Variants in MGMT observed in about 807,000 individuals in gnomAD.
MGMT encodes O-6-methylguanine-DNA methyltransferase, also known as methylated-DNA--protein-cysteine methyltransferase.
Under a neutral mutation model 15.9 loss-of-function variants are expected in MGMT, and 14 were observed. The ratio of observed to expected loss-of-function variants is 0.88; its 90% CI spans 0.58 to 1.37. MGMT has a LOEUF of 1.37. Ranked by LOEUF, MGMT falls within the 40% of genes most tolerant of loss-of-function variation. The pLI is 0.00. For missense variants in MGMT, 282 were observed against 268.1 expected (o/e 1.05, Z -0.36); for synonymous variants, 130 against 118.2 (o/e 1.10, Z -0.65).
At chr10:129,706,851 C>G (rs1471931277) in intron 2 of MGMT, among the ~76,000 whole-genome samples, 1 of 152,112 alleles carries the variant, frequency 6.6e-6, no homozygotes, top group Non-Finnish European at 1.5e-5. Context: ...GAGGGCCCAC[C>G]AGGTCGAAGC....
At chr10:129,617,085 T>C (rs1847036331) in intron 2 of MGMT, among the ~76,000 whole-genome samples, 1 of 151,382 alleles carries the variant, frequency 6.6e-6, no homozygotes, top group Non-Finnish European at 1.5e-5. Flanking sequence ...AAGCACATGA[T>C]AAGCATAGTA....
At chr10:129,734,494 T>C (rs1227115005) in intron 3 of MGMT, among the ~76,000 whole-genome samples, 2 of 151,808 alleles carry the variant, frequency 1.3e-5, no homozygotes, top group African/African-American at 4.8e-5. Flanking sequence ...TATACAATCA[T>C]GTCATCTGCA....
At chr10:129,481,316 C>T (rs947459487) in intron 1 of MGMT, among the ~76,000 whole-genome samples, 1 of 152,170 alleles carries the variant, frequency 6.6e-6, no homozygotes, top group African/African-American at 2.4e-5. Context: ...AAATGCCCAC[C>T]TGGACTTGGT....
At chr10:129,718,349 C>G (rs746201103) in intron 3 of MGMT, among the ~76,000 whole-genome samples, 2 of 152,126 alleles carry the variant, frequency 1.3e-5, no homozygotes, top group African/African-American at 2.4e-5. Context: ...TCCGTCTGAT[C>G]GTATAGTTAG....
chr10:129,738,644 A>G (rs920394233), intron 3 of MGMT, among the ~76,000 whole-genome samples: 1 of 152,212 alleles, frequency 6.6e-6, no homozygotes, highest in Non-Finnish European at 1.5e-5. Flanking sequence ...AGTCTTTGCT[A>G]TTGTGAATAG....
Position 129,767,111 on chromosome 10 carries a change from T to A in MGMT, c.*114T>A. The A allele has an allele frequency of 3.4e-6, 3 of 887,816 alleles. No homozygotes were observed. Among genetic ancestry groups the A allele is most frequent in the Non-Finnish European group, 5.0e-6 (3 of 602,832 alleles). The allele number at this position is 887,816 out of a possible 1,614,324, so 55.0% of individuals were successfully genotyped here. On this transcript the variant is annotated 3_prime_UTR_variant, in exon 5 of 5. Coordinates refer to ENST00000651593, the MANE Select transcript of MGMT (RefSeq NM_002412.5). Reference sequence around the variant, plus strand: ...AGTGGCAGTGTCCTGGGAACAAGCGTGTCTGCCCTTTCTGTTTCCATATTT... The same window carrying A: ...AGTGGCAGTGTCCTGGGAACAAGCGAGTCTGCCCTTTCTGTTTCCATATTT...
At chr10:129,676,173 C>T (rs531357736) in intron 2 of MGMT, among the ~76,000 whole-genome samples, 2 of 152,320 alleles carry the variant, frequency 1.3e-5, no homozygotes, top group Admixed American at 1.3e-4. Flanking sequence ...GAAGGCAAGG[C>T]TGGACTCACC....
At chr10:129,529,397 A>G (rs1845905847) in intron 1 of MGMT, among the ~76,000 whole-genome samples, 1 of 152,092 alleles carries the variant, frequency 6.6e-6, no homozygotes, top group Non-Finnish European at 1.5e-5. Flanking sequence ...GATTCTCATA[A>G]GAAGCGTCCA....
At chr10:129,582,398 C>T (rs1409091790) in intron 2 of MGMT, among the ~76,000 whole-genome samples, 4 of 152,182 alleles carry the variant, frequency 2.6e-5, no homozygotes, top group African/African-American at 7.2e-5. Context: ...CTGCCTCTGA[C>T]GGGTGGCTGC....
At chr10:129,668,814 G>A (rs778932527) in intron 2 of MGMT, among the ~76,000 whole-genome samples, 2 of 152,100 alleles carry the variant, frequency 1.3e-5, no homozygotes, top group Non-Finnish European at 2.9e-5. Flanking sequence ...GAAATGTAGA[G>A]AAGGTTTTTA....
At position 129,511,161 on chromosome 10, in the gene MGMT, G is replaced by A. The variant is rs982441606; in HGVS notation, c.-12-25080G>A. Among the ~76,000 whole-genome samples, 35 of 124,604 alleles carry A rather than the reference G, an allele frequency of 2.8e-4. 1 individual carries two copies. The highest frequency in any genetic ancestry group is 1.2e-3 in the African/African-American group (29 of 24,030). The allele number at this position is 124,604 out of a possible 152,430, so 81.7% of individuals were successfully genotyped here. A position where few individuals can be genotyped will look rare whatever the true frequency, so the allele number is the denominator to read the frequency against. On this transcript the variant is annotated intron_variant, in intron 1 of 4. Coordinates refer to ENST00000651593, the MANE Select transcript of MGMT (RefSeq NM_002412.5). ...CACGTGCTTCATGTGATGGGAACCC[G>A]GTATATTAGATGCAGGCACGTGCTT...
At chr10:129,720,779 C>T (rs1369285714) in intron 3 of MGMT, among the ~76,000 whole-genome samples, 2 of 152,174 alleles carry the variant, frequency 1.3e-5, no homozygotes, top group South Asian at 2.1e-4. Flanking sequence ...AGCAAAATGT[C>T]AACCCATTTT....
At chr10:129,605,644 GA>G (rs1846880555) in intron 2 of MGMT, among the ~76,000 whole-genome samples, 1 of 152,132 alleles carries the variant, frequency 6.6e-6, no homozygotes, top group Non-Finnish European at 1.5e-5. Context: ...TCCTCCCGAG[GA>G]AAGGCTTGTG....
At chr10:129,626,805 C>T (rs1847155208) in intron 2 of MGMT, among the ~76,000 whole-genome samples, 1 of 152,222 alleles carries the variant, frequency 6.6e-6, no homozygotes, top group South Asian at 2.1e-4. Context: ...TTACTCTTTT[C>T]AGAACCAATA....
At chr10:129,765,498 G>A (rs1044449605) in intron 4 of MGMT, among the ~76,000 whole-genome samples, 3 of 152,232 alleles carry the variant, frequency 2.0e-5, no homozygotes, top group Middle Eastern at 3.2e-3. Context: ...TTCTGAGCCA[G>A]CTGAGAAATG....
chr10:129,605,313 G>A (rs1196456338), intron 2 of MGMT, among the ~76,000 whole-genome samples: 2 of 151,640 alleles, frequency 1.3e-5, no homozygotes, highest in African/African-American at 2.4e-5. Context: ...TGCGGTCCTT[G>A]ATCTTTAATT....
At chr10:129,593,111 A>G (rs1387339098) in intron 2 of MGMT, among the ~76,000 whole-genome samples, 2 of 152,076 alleles carry the variant, frequency 1.3e-5, no homozygotes, top group Non-Finnish European at 1.5e-5. Flanking sequence ...AGAAGCCCCA[A>G]GCCGTTTCTT....
intron 2 of MGMT, among the ~76,000 whole-genome samples, chr10:129,607,922 A>G (rs1426065902): frequency 6.6e-6 from 1 of 152,234 alleles, no homozygotes; most frequent in East Asian, 1.9e-4. Flanking sequence ...GCCCCCTCGT[A>G]CCGTGTTTCA....
intron 3 of MGMT, among the ~76,000 whole-genome samples, chr10:129,720,538 C>T (rs1848357880): frequency 6.6e-6 from 1 of 152,188 alleles, no homozygotes; most frequent in Admixed American, 6.5e-5. Context: ...GCTATGGATA[C>T]AGTTATGGAC....
Sources: allele counts gnomAD v4.1 joint callset (sites outside exome capture counted in the v4.1 genomes callset), GRCh38; gene constraint gnomAD v4.1.1; transcripts MANE v1.5; gene names NCBI Gene and HGNC (gene_info 2026-07-23, HGNC 2026-07-21).